The following CHURC1 variants were observed in gnomAD, a reference collection of about 807,000 sequenced individuals.
The protein encoded by CHURC1 is churchill domain containing 1, also known as protein Churchill.
CHURC1 carries 12 observed loss-of-function variants against 15.4 expected under a neutral mutation model. The ratio of observed to expected loss-of-function variants is 0.78; its 90% CI spans 0.50 to 1.27. The LOEUF (loss-of-function observed/expected upper bound fraction) is 1.27. CHURC1 is among the 50% of genes most tolerant of loss of function. The probability of loss-of-function intolerance (pLI) is 0.00; values close to 1 mark genes in which losing one functional copy is unlikely to be tolerated. For missense variants in CHURC1, 132 were observed against 137.8 expected (o/e 0.96, Z 0.21); for synonymous variants, 42 against 47.5 (o/e 0.88, Z 0.48).
intron 1 of CHURC1, 37 bp downstream of exon 1, chr14:64,914,571 C>T: frequency 1.2e-6 from 2 of 1,613,388 alleles, no homozygotes; most frequent in Non-Finnish European, 8.5e-7. Context: ...CGCGGGCGGC[C>T]CCCGAGGTGT....
In CHURC1 at chr14:64,933,463, C is replaced by G. The variant is rs774977989; in HGVS notation, c.*1233C>G. The G allele has an allele frequency of 6.4e-5, 63 of 985,286 alleles. No individual in the cohort carries two copies. The highest frequency in any genetic ancestry group is 6.7e-5 in the Non-Finnish European group (56 of 829,924). The allele number at this position is 985,286 out of a possible 1,614,324, so 61.0% of individuals were successfully genotyped here. ...GGAGGTTATAAACTGGCATTTAGGC[C>G]TCTCTGCCATTTAGTAGCAGTATAG... On this transcript the variant is annotated 3_prime_UTR_variant, in exon 4 of 4. Coordinates refer to ENST00000549115, the MANE Select transcript of CHURC1 (RefSeq NM_001386928.1).
chr14:64,933,701 T>C lies in CHURC1; in HGVS notation c.*1471T>C, dbSNP rs1885199354. 1 of 985,452 alleles carries C rather than the reference T, an allele frequency of 1.0e-6. No homozygotes were observed. The highest frequency in any genetic ancestry group is 1.2e-6 in the Non-Finnish European group (1 of 829,934). 61.0% of individuals were successfully genotyped at this position (985,452 alleles called of 1,614,324 possible). On this transcript the variant is annotated 3_prime_UTR_variant, in exon 4 of 4. Coordinates refer to ENST00000549115, the MANE Select transcript of CHURC1 (RefSeq NM_001386928.1). ...AGACCTAAATTTAAAGGGTCAGGCATTAGAAACAAAAGTGTTTCTTCATAT... is the reference window on the plus strand; with the variant it reads ...AGACCTAAATTTAAAGGGTCAGGCACTAGAAACAAAAGTGTTTCTTCATAT...
chr14:64,926,191 T>G, intron 3 of CHURC1, 111 bp downstream of exon 3: 1 of 593,054 alleles, frequency 1.7e-6, no homozygotes, highest in Non-Finnish European at 2.7e-6. Flanking sequence ...AGCGTTAGCA[T>G]ATATTAAAGG....
In CHURC1 at chr14:64,914,478, C is replaced by G. The variant is rs768902938; in HGVS notation, c.-18C>G. The G allele has an allele frequency of 1.2e-6, 2 of 1,614,132 alleles. No homozygotes were observed. Among genetic ancestry groups the G allele is most frequent in the South Asian group, 1.1e-5 (1 of 91,092 alleles). ...TTCCCGGAAGCGTTGGAGGACATTCCCTGTTGACTGCGTCGCGATGTGTGG... is the reference window on the plus strand; with the variant it reads ...TTCCCGGAAGCGTTGGAGGACATTCGCTGTTGACTGCGTCGCGATGTGTGG... On this transcript the variant is annotated 5_prime_UTR_variant, in exon 1 of 4. Transcript: ENST00000549115.
intron 1 of CHURC1, among the ~76,000 whole-genome samples, chr14:64,918,785 A>T (rs1440825802): frequency 6.6e-6 from 1 of 152,222 alleles, no homozygotes; most frequent in Non-Finnish European, 1.5e-5. Context: ...GTGAGCTAAG[A>T]TCACACCACT....
rs748016035 is a variant in CHURC1 at position 64,925,984 on chromosome 14, A to C, written c.176-26A>C. 8 of 1,550,672 alleles carry C rather than the reference A, an allele frequency of 5.2e-6. No individual in the cohort carries two copies. The South Asian group carries it at 9.7e-5, about 19-fold the overall frequency. On this transcript the variant is annotated intron_variant, in intron 2 of 3. Coordinates refer to ENST00000549115, the MANE Select transcript of CHURC1 (RefSeq NM_001386928.1). ...TTAAGAAACTCTCTAAGACTTAATTACGTAAGTCTCTCTTTGTTTTAGCAG... is the reference window on the plus strand; with the variant it reads ...TTAAGAAACTCTCTAAGACTTAATTCCGTAAGTCTCTCTTTGTTTTAGCAG...
chr14:64,929,717 A>G (rs956765766), intron 3 of CHURC1, among the ~76,000 whole-genome samples: 12 of 152,168 alleles, frequency 7.9e-5, no homozygotes, highest in Admixed American at 3.9e-4. Flanking sequence ...TTTCAAAGCA[A>G]ATTCCAAACG....
At chr14:64,926,623 T>A (rs755142782) in intron 3 of CHURC1, among the ~76,000 whole-genome samples, 4 of 152,152 alleles carry the variant, frequency 2.6e-5, no homozygotes, top group Non-Finnish European at 4.4e-5. Context: ...GCATGGAAAC[T>A]GTGATAAGGA....
In CHURC1 at chr14:64,933,241, A is replaced by G. The variant is rs368962712; in HGVS notation, c.*1011A>G. On this transcript the variant is annotated 3_prime_UTR_variant, in exon 4 of 4. Coordinates refer to ENST00000549115, the MANE Select transcript of CHURC1 (RefSeq NM_001386928.1). ...TGGTCACAGCCAAGAGGAGCCTGAG[A>G]AGACATGACTGCTAGATGTAATGTG... 208 of 355,880 alleles carry G rather than the reference A, an allele frequency of 5.8e-4. 3 individuals are homozygous for G. In the South Asian group the frequency reaches 0.018, roughly 30 times the overall value. The allele number at this position is 355,880 out of a possible 1,614,324, so 22.0% of individuals were successfully genotyped here. A position where few individuals can be genotyped will look rare whatever the true frequency, so the allele number is the denominator to read the frequency against.
intron 2 of CHURC1, among the ~76,000 whole-genome samples, chr14:64,925,203 G>GT (rs1365223409): frequency 6.6e-6 from 1 of 151,974 alleles, no homozygotes; most frequent in Admixed American, 6.6e-5. Context: ...ACCTCATTGG[G>GT]TTTTTTAGAA....
intron 2 of CHURC1, chr14:64,924,603 A>G (rs1884552853): frequency 6.6e-6 from 1 of 152,114 alleles, no homozygotes; most frequent in Non-Finnish European, 1.5e-5. Context: ...TCTGCTCAGA[A>G]TGTCTAGCTT....
chr14:64,925,122 G>T (rs1338038967), intron 2 of CHURC1, among the ~76,000 whole-genome samples: 1 of 152,114 alleles, frequency 6.6e-6, no homozygotes, highest in Non-Finnish European at 1.5e-5. Context: ...TGGCTCAGTC[G>T]TCTTGCTAGT....
intron 3 of CHURC1, among the ~76,000 whole-genome samples, chr14:64,928,271 A>G (rs1884861673): frequency 6.6e-6 from 1 of 152,106 alleles, no homozygotes; most frequent in African/African-American, 2.4e-5. Context: ...TTGTTGCAAC[A>G]AGGTCTTACT....
chr14:64,928,443 T>C (rs543944059), intron 3 of CHURC1, among the ~76,000 whole-genome samples: 1 of 152,178 alleles, frequency 6.6e-6, no homozygotes, highest in African/African-American at 2.4e-5. Context: ...AGAGATGAGA[T>C]CTCACTTGGT....
rs1885228475 is a variant in CHURC1, at chr14:64,934,353, CAA to C, written c.*2127_*2128del. ...ACAGAGCAAGACTCCATCTCAAAAACAAAAACAAAACAAAACAACAACAAAAA... is the reference window on the plus strand; with the variant it reads ...ACAGAGCAAGACTCCATCTCAAAAACAAACAAAACAAAACAACAACAAAAA... On this transcript the variant is annotated 3_prime_UTR_variant, in exon 4 of 4. Coordinates refer to ENST00000549115, the MANE Select transcript of CHURC1 (RefSeq NM_001386928.1). The C allele has an allele frequency of 1.1e-6, 1 of 912,876 alleles. No homozygotes were observed. The highest frequency in any genetic ancestry group is 1.8e-5 in the African/African-American group (1 of 55,396). 56.5% of individuals were successfully genotyped at this position (912,876 alleles called of 1,614,324 possible).
Position 64,933,678 on chromosome 14 carries a change from A to T in CHURC1, c.*1448A>T. 1.0e-6 allele frequency: 1 copy of T among 985,452 alleles called. No individual in the cohort carries two copies. Among genetic ancestry groups the T allele is most frequent in the Non-Finnish European group, 1.2e-6 (1 of 829,940 alleles). 61.0% of individuals were successfully genotyped at this position (985,452 alleles called of 1,614,324 possible). ...GGCTTCAATTAGTGCTCATTCTGAG[A>T]CCTAAATTTAAAGGGTCAGGCATTA... On this transcript the variant is annotated 3_prime_UTR_variant, in exon 4 of 4. Coordinates refer to ENST00000549115, the MANE Select transcript of CHURC1 (RefSeq NM_001386928.1).
At chr14:64,928,873 G>C (rs1370894601) in intron 3 of CHURC1, among the ~76,000 whole-genome samples, 1 of 152,060 alleles carries the variant, frequency 6.6e-6, no homozygotes, top group African/African-American at 2.4e-5. Flanking sequence ...CTCAGCTTTT[G>C]TTCTGTGGTC....
chr14:64,921,861 A>G (rs1292228033), intron 1 of CHURC1, among the ~76,000 whole-genome samples: 1 of 152,240 alleles, frequency 6.6e-6, no homozygotes, highest in Non-Finnish European at 1.5e-5. Flanking sequence ...TGCTTTATTC[A>G]TAATAGCCCC....
chr14:64,923,273 C>CAAAAA (rs563823780), intron 1 of CHURC1, among the ~76,000 whole-genome samples: 1 of 103,336 alleles, frequency 9.7e-6, no homozygotes, highest in African/African-American at 3.8e-5. Flanking sequence ...TCTCAATTAC[C>CAAAAA]AAAAAAAAAA....
Sources: gnomAD v4.1 joint callset for allele counts (sites outside exome capture counted in the v4.1 genomes callset) on GRCh38, gnomAD v4.1.1 for gene constraint, MANE v1.5 for transcripts, NCBI Gene and HGNC (gene_info 2026-07-23, HGNC 2026-07-21) for gene names.